The following FNBP1L variants were observed in gnomAD, a reference collection of about 807,000 sequenced individuals.
The protein encoded by FNBP1L is formin binding protein 1 like, also known as formin-binding protein 1-like.
In FNBP1L, 36 loss-of-function variants were observed where a neutral mutation model predicts 91.2. That is an observed-to-expected ratio of 0.39 (90% CI 0.30 to 0.52). The LOEUF is 0.52. Ranked by LOEUF, FNBP1L falls within the 20% of genes least tolerant of loss-of-function variation. The pLI is 0.66. For missense variants in FNBP1L, 571 were observed against 732.1 expected, an observed-to-expected ratio of 0.78 and a Z score of 2.54; for synonymous variants, 242 against 237.0, an observed-to-expected ratio of 1.02 and a Z score of -0.19.
At chr1:93,500,045 A>G (rs1670393951) in intron 2 of FNBP1L, among the ~76,000 whole-genome samples, 1 of 152,192 alleles carries the variant, frequency 6.6e-6, no homozygotes, top group Admixed American at 6.5e-5. Flanking sequence ...ATGTGATTTT[A>G]GAATATGTTT....
chr1:93,518,245 A>C (rs1351252311), intron 2 of FNBP1L, among the ~76,000 whole-genome samples: 1 of 152,198 alleles, frequency 6.6e-6, no homozygotes, highest in Non-Finnish European at 1.5e-5. Context: ...TATACAACAA[A>C]TTTGGAAACG....
intron 1 of FNBP1L, among the ~76,000 whole-genome samples, chr1:93,469,292 G>A (rs1424737255): frequency 7.1e-6 from 1 of 140,768 alleles, no homozygotes; most frequent in Non-Finnish European, 1.5e-5. Flanking sequence ...GTGTCCATGT[G>A]TTCTCATTGT....
intron 1 of FNBP1L, among the ~76,000 whole-genome samples, chr1:93,479,707 C>T (rs1669624162): frequency 6.6e-6 from 1 of 152,192 alleles, no homozygotes; most frequent in African/African-American, 2.4e-5. Flanking sequence ...TATAGGTTCT[C>T]TGCAAGAAGA....
intron 1 of FNBP1L, among the ~76,000 whole-genome samples, chr1:93,494,227 A>G (rs1004029554): frequency 6.6e-6 from 1 of 152,196 alleles, no homozygotes; most frequent in African/African-American, 2.4e-5. Flanking sequence ...AAAGGATATT[A>G]TAAAGGACAC....
In FNBP1L at chr1:93,536,313, T is replaced by G. The variant is rs1671848829; in HGVS notation, c.991-19T>G. 1 of 1,431,108 alleles carries G rather than the reference T, an allele frequency of 7.0e-7. No individual in the cohort carries two copies. The highest frequency in any genetic ancestry group is 1.5e-5 in the African/African-American group (1 of 68,828). The allele number at this position is 1,431,108 out of a possible 1,614,324, so 88.7% of individuals were successfully genotyped here. ...ATGCACATTTGGCTTATTGATTCCT[T>G]TCTTTATTTCCATATTAGCCACAGT... On this transcript the variant is annotated intron_variant, in intron 9 of 16. Transcript: ENST00000271234.
At chr1:93,542,443 GAAAAAAAAAAA>G (rs61650755) in intron 11 of FNBP1L, among the ~76,000 whole-genome samples, 2 of 82,558 alleles carry the variant, frequency 2.4e-5, no homozygotes, top group East Asian at 8.2e-4. Context: ...ATTGGTAAAT[GAAAAAAAAAAA>G]AAAAAAAAAA....
chr1:93,505,310 A>G (rs1670573798), intron 2 of FNBP1L, among the ~76,000 whole-genome samples: 1 of 151,780 alleles, frequency 6.6e-6, no homozygotes, highest in Non-Finnish European at 1.5e-5. Flanking sequence ...GAAAGGGTAC[A>G]CTCGTGCCAC....
intron 1 of FNBP1L, among the ~76,000 whole-genome samples, chr1:93,495,480 C>G (rs1035921645): frequency 6.6e-6 from 1 of 152,090 alleles, no homozygotes; most frequent in African/African-American, 2.4e-5. Flanking sequence ...GCAAAGAAAA[C>G]TAAAGCAGGA....
intron 1 of FNBP1L, among the ~76,000 whole-genome samples, chr1:93,469,836 CATG>C (rs2101696391): frequency 6.6e-6 from 1 of 152,170 alleles, no homozygotes; most frequent in Admixed American, 6.5e-5. Flanking sequence ...ATTAGCCTGA[CATG>C]GTGGTGCACA....
At chr1:93,461,140 T>C (rs76064946) in intron 1 of FNBP1L, among the ~76,000 whole-genome samples, 6 of 152,190 alleles carry the variant, frequency 3.9e-5, no homozygotes, top group African/African-American at 1.4e-4. Flanking sequence ...AGCTCTGATA[T>C]GCTCTGCCTG....
chr1:93,486,302 A>T (rs940297668), intron 1 of FNBP1L, among the ~76,000 whole-genome samples: 4 of 152,118 alleles, frequency 2.6e-5, no homozygotes, highest in South Asian at 2.1e-4. Flanking sequence ...TTTTGGAATT[A>T]AAAAAAATCA....
intron 1 of FNBP1L, among the ~76,000 whole-genome samples, chr1:93,456,313 C>T (rs1668657344): frequency 1.3e-5 from 2 of 152,274 alleles, no homozygotes; most frequent in South Asian, 4.2e-4. Flanking sequence ...ACAAATATCT[C>T]ATGAAAGACG....
intron 1 of FNBP1L, among the ~76,000 whole-genome samples, chr1:93,477,615 C>T (rs1283548676): frequency 6.6e-6 from 1 of 152,150 alleles, no homozygotes; most frequent in African/African-American, 2.4e-5. Context: ...AAAGCTATTA[C>T]TGCTTCTCAG....
At chr1:93,515,777 AG>A (rs1413933120) in intron 2 of FNBP1L, among the ~76,000 whole-genome samples, 1 of 65,938 alleles carries the variant, frequency 1.5e-5, no homozygotes, top group Non-Finnish European at 2.9e-5. Context: ...GGGTGGGGGG[AG>A]GGGGAGGTAT....
chr1:93,507,000 C>T (rs1670640163), intron 2 of FNBP1L, among the ~76,000 whole-genome samples: 1 of 148,962 alleles, frequency 6.7e-6, no homozygotes, highest in African/African-American at 2.5e-5. Flanking sequence ...GAAGGAACAA[C>T]ATTAATTTCT....
intron 1 of FNBP1L, among the ~76,000 whole-genome samples, chr1:93,450,694 C>A (rs1013322061): frequency 8.5e-5 from 13 of 152,180 alleles, no homozygotes; most frequent in Admixed American, 8.5e-4. Flanking sequence ...GATTTAGAAA[C>A]CAGTTCTCCT....
intron 2 of FNBP1L, among the ~76,000 whole-genome samples, chr1:93,500,599 G>GT (rs1670413475): frequency 6.6e-6 from 1 of 152,134 alleles, no homozygotes; most frequent in Admixed American, 6.5e-5. Context: ...CTTTGGTTAG[G>GT]TTATGTGTTT....
At chr1:93,549,101 G>A (rs1672326162) in intron 14 of FNBP1L, among the ~76,000 whole-genome samples, 177 bp from the exon 15 acceptor site, 1 of 151,976 alleles carries the variant, frequency 6.6e-6, no homozygotes, top group Admixed American at 6.6e-5. Context: ...CAGCAAAGCA[G>A]CATTTTGTAT....
chr1:93,492,386 G>T (rs12410123), intron 1 of FNBP1L, among the ~76,000 whole-genome samples: 3 of 152,080 alleles, frequency 2.0e-5, no homozygotes, highest in African/African-American at 7.2e-5. Flanking sequence ...AAATGCATGG[G>T]TCTTCAAAGA....
Sources: gnomAD v4.1 joint callset for allele counts (sites outside exome capture counted in the v4.1 genomes callset) on GRCh38, gnomAD v4.1.1 for gene constraint, MANE v1.5 for transcripts, NCBI Gene and HGNC (gene_info 2026-07-23, HGNC 2026-07-21) for gene names.